Variants in MARCHF11 observed in about 807,000 individuals in gnomAD.
MARCHF11 encodes the protein membrane associated ring-CH-type finger 11.
MARCHF11 carries 29 observed loss-of-function variants against 37.3 expected under a neutral mutation model. The ratio of observed to expected loss-of-function variants is 0.78; its 90% CI spans 0.58 to 1.06. The LOEUF is 1.06. Among genes scored for constraint, MARCHF11 ranks in the 50% least tolerant of loss-of-function variants. The pLI, the probability that MARCHF11 is intolerant of heterozygous loss-of-function variation, is 0.00. For missense variants in MARCHF11, 482 were observed against 533.4 expected (o/e 0.90, Z 0.95); for synonymous variants, 233 against 228.0 (o/e 1.02, Z -0.20).
At chr5:16,094,113 A>C (rs1736825897) in intron 2 of MARCHF11, among the ~76,000 whole-genome samples, 1 of 152,234 alleles carries the variant, frequency 6.6e-6, no homozygotes, top group African/African-American at 2.4e-5. Context: ...TTCCCTTTGA[A>C]GACAGCTATC....
chr5:16,133,649 G>GCA (rs138216081), intron 2 of MARCHF11, among the ~76,000 whole-genome samples: 30,311 of 149,908 alleles, frequency 0.2, 3,281 homozygotes, highest in East Asian at 0.3. Context: ...ACATACACAT[G>GCA]CACACACACA....
At chr5:16,080,279 G>C (rs917776948) in intron 3 of MARCHF11, among the ~76,000 whole-genome samples, 8 of 152,090 alleles carry the variant, frequency 5.3e-5, no homozygotes, top group Non-Finnish European at 7.4e-5. Context: ...TTGGCCACTT[G>C]CTCCTCCTCC....
At chr5:16,139,890 C>T (rs1167434875) in intron 2 of MARCHF11, among the ~76,000 whole-genome samples, 1 of 152,078 alleles carries the variant, frequency 6.6e-6, no homozygotes, top group Non-Finnish European at 1.5e-5. Flanking sequence ...AACTTCTCTA[C>T]AAATTTTTAT....
chr5:16,097,053 C>T (rs774476331), intron 2 of MARCHF11, among the ~76,000 whole-genome samples: 4 of 152,164 alleles, frequency 2.6e-5, no homozygotes, highest in African/African-American at 4.8e-5. Context: ...TTATACTGTG[C>T]GCTATGACAG....
intron 2 of MARCHF11, among the ~76,000 whole-genome samples, chr5:16,118,061 G>T (rs1012654034): frequency 6.6e-6 from 1 of 152,218 alleles, no homozygotes; most frequent in African/African-American, 2.4e-5. Context: ...AGATGGGTAA[G>T]AATTCACCTG....
rs149286832 is a variant in MARCHF11 at position 16,124,688 on chromosome 5, C to A, written c.694-33607G>T. On this transcript the variant is annotated intron_variant, in intron 2 of 3. Coordinates refer to ENST00000332432, the MANE Select transcript of MARCHF11 (RefSeq NM_001102562.3). ...AACTGGAGGCATGTTCTATTTCCCA[C>A]AGAGAAGGGTAAAAGATGCTATCTC... Among the ~76,000 whole-genome samples the A allele has an allele frequency of 4.9e-3, 746 of 152,170 alleles. 8 individuals carry two copies. The highest frequency in any genetic ancestry group is 0.017 in the African/African-American group (701 of 41,530).
At chr5:16,143,828 A>G (rs909423764) in intron 2 of MARCHF11, among the ~76,000 whole-genome samples, 5 of 152,252 alleles carry the variant, frequency 3.3e-5, no homozygotes, top group Admixed American at 3.3e-4. Context: ...CCAGAGAGAG[A>G]CTCTGCTTGG....
chr5:16,147,641 C>A (rs182205162), intron 2 of MARCHF11, among the ~76,000 whole-genome samples: 162 of 152,050 alleles, frequency 1.1e-3, no homozygotes, highest in African/African-American at 3.6e-3. Context: ...ATAGAAATAT[C>A]AAATTGGGAT....
intron 3 of MARCHF11, among the ~76,000 whole-genome samples, chr5:16,080,828 T>C (rs963171941): frequency 6.6e-6 from 1 of 152,212 alleles, no homozygotes; most frequent in Non-Finnish European, 1.5e-5. Context: ...CTCTCCTTTA[T>C]GTTTCCACGC....
chr5:16,162,142 A>G (rs1384305680), intron 2 of MARCHF11, among the ~76,000 whole-genome samples: 1 of 152,008 alleles, frequency 6.6e-6, no homozygotes, highest in Non-Finnish European at 1.5e-5. Flanking sequence ...TAAATATTTT[A>G]AATAACTCAG....
intron 2 of MARCHF11, among the ~76,000 whole-genome samples, chr5:16,171,416 A>G (rs1738261446): frequency 6.6e-6 from 1 of 152,140 alleles, no homozygotes; most frequent in Admixed American, 6.5e-5. Context: ...AATACTCCAT[A>G]TGTTTAAATT....
At chr5:16,099,603 T>C (rs1283851446) in intron 2 of MARCHF11, among the ~76,000 whole-genome samples, 3 of 152,204 alleles carry the variant, frequency 2.0e-5, no homozygotes, top group Non-Finnish European at 4.4e-5. Context: ...CTTGTTTTGT[T>C]TGGTTTTTTA....
At chr5:16,094,344 G>C (rs952782910) in intron 2 of MARCHF11, among the ~76,000 whole-genome samples, 9 of 152,152 alleles carry the variant, frequency 5.9e-5, no homozygotes, top group Non-Finnish European at 1.2e-4. Flanking sequence ...GATGATAAAA[G>C]TAGAAAATAA....
intron 2 of MARCHF11, among the ~76,000 whole-genome samples, chr5:16,140,262 G>T (rs898684298): frequency 6.6e-6 from 1 of 151,652 alleles, no homozygotes; most frequent in Non-Finnish European, 1.5e-5. Context: ...GAAATGTAAG[G>T]CCAATAAATG....
chr5:16,124,805 T>TA (rs1737375059), intron 2 of MARCHF11, among the ~76,000 whole-genome samples: 1 of 151,492 alleles, frequency 6.6e-6, no homozygotes, highest in South Asian at 2.1e-4. Flanking sequence ...AACCTCAAGA[T>TA]AAAATCTGAA....
At chr5:16,117,597 C>T (rs17526289) in intron 2 of MARCHF11, among the ~76,000 whole-genome samples, 35,116 of 152,098 alleles carry the variant, frequency 0.23, 4,231 homozygotes, top group South Asian at 0.31. Flanking sequence ...TTTATTTAAA[C>T]TCACCTGTCA....
intron 3 of MARCHF11, among the ~76,000 whole-genome samples, chr5:16,070,203 A>G (rs1560965700): frequency 6.6e-6 from 1 of 152,206 alleles, no homozygotes; most frequent in Non-Finnish European, 1.5e-5. Flanking sequence ...TGGTGGTTCT[A>G]TTATTAGCTT....
At chr5:16,072,333 T>C (rs942674778) in intron 3 of MARCHF11, among the ~76,000 whole-genome samples, 5 of 151,884 alleles carry the variant, frequency 3.3e-5, no homozygotes, top group African/African-American at 1.2e-4. Context: ...ACTAAACATT[T>C]GTGTCCCCAG....
At chr5:16,160,347 T>TATATTAAATATTTAATATATAA (rs1483622873) in intron 2 of MARCHF11, among the ~76,000 whole-genome samples, 1 of 144,696 alleles carries the variant, frequency 6.9e-6, no homozygotes, top group African/African-American at 2.5e-5. Context: ...ATATTAATTA[T>TATATTAAATATTTAATATATAA]ATATTAAATA....
Sources: gnomAD v4.1 joint callset for allele counts (sites outside exome capture counted in the v4.1 genomes callset) on GRCh38, gnomAD v4.1.1 for gene constraint, MANE v1.5 for transcripts, NCBI Gene and HGNC (gene_info 2026-07-23, HGNC 2026-07-21) for gene names.